OPRM1: variants seen among roughly 807,000 people sequenced by gnomAD.
OPRM1 encodes mu-type opioid receptor.
OPRM1 carries 27 observed loss-of-function variants against 31.8 expected under a neutral mutation model. The observed-to-expected ratio is 0.85, with a 90% CI of 0.63 to 1.17. The LOEUF (loss-of-function observed/expected upper bound fraction) is 1.17, where lower values mean the gene tolerates loss of function less well. Among genes scored for constraint, OPRM1 ranks in the 50% most tolerant of loss-of-function variants. The probability of loss-of-function intolerance (pLI) is 0.00; values close to 1 mark genes in which losing one functional copy is unlikely to be tolerated. For missense variants in OPRM1, 536 were observed against 511.1 expected, an observed-to-expected ratio of 1.05 and a Z score of -0.47; for synonymous variants, 196 against 189.9, an observed-to-expected ratio of 1.03 and a Z score of -0.26.
rs576071082 is a variant in OPRM1, at chr6:154,169,889, T to C, written c.1165-76804T>C. On this transcript the variant is annotated intron_variant, in intron 3 of 3. Transcript: ENST00000337049. Reference sequence around the variant, plus strand: ...TTTGGAGTATCAGATAAGTAATCTCTCTTTTTTCTTAAGCTGAATGTTGTG... The same window carrying C: ...TTTGGAGTATCAGATAAGTAATCTCCCTTTTTTCTTAAGCTGAATGTTGTG... 3.9e-5 allele frequency among the ~76,000 whole-genome samples: 6 copies of C among 152,322 alleles called. No homozygotes were observed. In the East Asian group the frequency reaches 1.2e-3, roughly 29 times the overall value.
intron 3 of OPRM1, among the ~76,000 whole-genome samples, chr6:154,193,869 A>G (rs1345243429): frequency 6.6e-6 from 1 of 152,254 alleles, no homozygotes; most frequent in African/African-American, 2.4e-5. Flanking sequence ...TCCATACTCT[A>G]TACAGACAAA....
Position 154,091,069 on chromosome 6 carries a change from A to G in OPRM1, c.761A>G (p.Tyr254Cys), listed in dbSNP as rs758020420. Residue 254 changes from tyrosine to cysteine, a missense_variant, in exon 3 of 4, where the codon TAT (tyrosine) becomes TGT (cysteine). By Grantham distance (194) the Tyr-to-Cys change is radical. Coordinates refer to ENST00000330432, the MANE Select transcript of OPRM1 (RefSeq NM_000914.5). ...IMPVLIITVC[Y>C]GLMILRLKSV... ...CCAGTGCTCATCATTACCGTGTGCT[A>G]TGGACTGATGATCTTGCGCCTCAAG... 5 of 1,614,138 alleles carry G rather than the reference A, an allele frequency of 3.1e-6. No individual in the cohort carries two copies. The highest frequency in any genetic ancestry group is 4.2e-6 in the Non-Finnish European group (5 of 1,180,018).
Position 154,058,922 on chromosome 6 carries a change from T to A in OPRM1, c.290+19088T>A, listed in dbSNP as rs551376319. ...GAAAATTTGTGTAATAAGCCCAAAT[T>A]TGTCCAACTAGTAAATGATGGAAGT... On this transcript the variant is annotated intron_variant, in intron 1 of 3. Coordinates refer to ENST00000330432, the MANE Select transcript of OPRM1 (RefSeq NM_000914.5). 2.6e-5 allele frequency among the ~76,000 whole-genome samples: 4 copies of A among 152,300 alleles called. No homozygotes were observed. The South Asian group carries it at 6.2e-4, about 24-fold the overall frequency.
downstream of OPRM1, among the ~76,000 whole-genome samples, chr6:154,132,674 T>C (rs672305): frequency 4.1e-3 from 622 of 152,252 alleles, 2 homozygotes; most frequent in Middle Eastern, 6.8e-3. Context: ...CCACTGATAG[T>C]CTACTTTTTT....
chr6:154,085,844 G>A (rs1790400626), intron 1 of OPRM1, among the ~76,000 whole-genome samples: 1 of 150,124 alleles, frequency 6.7e-6, no homozygotes. Flanking sequence ...ACTTTGCTGG[G>A]ACAACATTCA....
At chr6:154,026,890 T>C (rs970481572) in intron 1 of OPRM1, among the ~76,000 whole-genome samples, 3 of 152,196 alleles carry the variant, frequency 2.0e-5, no homozygotes, top group Non-Finnish European at 2.9e-5. Context: ...TTCTCCAACA[T>C]AGCTATTTTA....
intron 3 of OPRM1, among the ~76,000 whole-genome samples, chr6:154,207,298 G>A (rs937959549): frequency 1.3e-5 from 2 of 152,184 alleles, no homozygotes; most frequent in African/African-American, 4.8e-5. Flanking sequence ...AAATCAGTTA[G>A]ATATTCAACC....
chr6:154,036,753 A>G (rs1259157696), upstream of OPRM1, among the ~76,000 whole-genome samples: 1 of 151,890 alleles, frequency 6.6e-6, no homozygotes, highest in African/African-American at 2.4e-5. Flanking sequence ...TATATTATTT[A>G]TCACCCAGAT....
intron 3 of OPRM1, among the ~76,000 whole-genome samples, chr6:154,216,339 G>A (rs790256): frequency 1.3e-5 from 2 of 151,864 alleles, no homozygotes; most frequent in East Asian, 3.9e-4. Context: ...ACCTGGAAAA[G>A]ATATGAACAA....
At chr6:154,185,734 C>T (rs187103600) in intron 3 of OPRM1, among the ~76,000 whole-genome samples, 1 of 152,226 alleles carries the variant, frequency 6.6e-6, no homozygotes, top group African/African-American at 2.4e-5. Context: ...CTGTCTTGGG[C>T]TACACATAAA....
chr6:154,085,324 G>T lies in OPRM1; in HGVS notation c.291-4502G>T, dbSNP rs572270399. Reference sequence around the variant, plus strand: ...CAATGCCTTTTCCCCAACACTTCTGGAAGTTCCATAAAAATCACTCTAATG... The same window carrying T: ...CAATGCCTTTTCCCCAACACTTCTGTAAGTTCCATAAAAATCACTCTAATG... On this transcript the variant is annotated intron_variant, in intron 1 of 3. Coordinates refer to ENST00000330432, the MANE Select transcript of OPRM1 (RefSeq NM_000914.5). Among the ~76,000 whole-genome samples, 12 of 152,288 alleles carry T rather than the reference G, an allele frequency of 7.9e-5. No individual in the cohort carries two copies. The East Asian group carries it at 2.1e-3, about 27-fold the overall frequency.
chr6:154,039,158 T>C (rs939089303), upstream of OPRM1: 12 of 1,551,232 alleles, frequency 7.7e-6, no homozygotes, highest in Non-Finnish European at 1.0e-5. Context: ...CTCCCTCCTT[T>C]AGATGTGTTT....
At chr6:154,209,893 A>G (rs1044710528) in intron 3 of OPRM1, among the ~76,000 whole-genome samples, 8 of 152,212 alleles carry the variant, frequency 5.3e-5, no homozygotes, top group Admixed American at 5.2e-4. Flanking sequence ...TGTTAGCATT[A>G]ATGGCCTGCC....
intron 3 of OPRM1, among the ~76,000 whole-genome samples, chr6:154,103,359 A>G (rs1795144291): frequency 6.6e-6 from 1 of 152,222 alleles, no homozygotes; most frequent in Non-Finnish European, 1.5e-5. Flanking sequence ...GAAAGAAAGC[A>G]AGTAACCTCT....
intron 3 of OPRM1, among the ~76,000 whole-genome samples, chr6:154,216,002 C>T (rs1369910110): frequency 1.3e-5 from 2 of 152,130 alleles, no homozygotes; most frequent in African/African-American, 4.8e-5. Flanking sequence ...GAAAAAGAAG[C>T]ATTGTCACCT....
rs1163381868 is a variant in OPRM1, at chr6:154,118,805, G to C, written c.*84G>C. On this transcript the variant is annotated 3_prime_UTR_variant, in exon 4 of 4. Coordinates refer to ENST00000330432, the MANE Select transcript of OPRM1 (RefSeq NM_000914.5). Reference sequence around the variant, plus strand: ...CAGGTTGCTTCAAGAATGTGTAGGAGGCTCTAATTCTCTAGGAAAGTGCCT... The same window carrying C: ...CAGGTTGCTTCAAGAATGTGTAGGACGCTCTAATTCTCTAGGAAAGTGCCT... The C allele has an allele frequency of 6.3e-7, 1 of 1,587,692 alleles. No homozygotes were observed. The highest frequency in any genetic ancestry group is 8.5e-7 in the Non-Finnish European group (1 of 1,170,728).
At chr6:154,185,779 G>A (rs1801286315) in intron 3 of OPRM1, among the ~76,000 whole-genome samples, 1 of 152,008 alleles carries the variant, frequency 6.6e-6, no homozygotes, top group African/African-American at 2.4e-5. Context: ...AAGCTAAAAA[G>A]AAAAAAATCA....
intron 1 of OPRM1, among the ~76,000 whole-genome samples, chr6:154,052,119 T>A (rs1782326006): frequency 6.6e-6 from 1 of 151,538 alleles, no homozygotes; most frequent in Admixed American, 6.6e-5. Flanking sequence ...TAAGTGGGAG[T>A]TGAACAATGA....
intron 1 of OPRM1, among the ~76,000 whole-genome samples, chr6:154,068,828 T>C (rs905871443): frequency 6.6e-6 from 1 of 152,206 alleles, no homozygotes; most frequent in Admixed American, 6.5e-5. Flanking sequence ...TCCACCAACA[T>C]TGTGTGAGGA....
Sources: allele counts gnomAD v4.1 joint callset (sites outside exome capture counted in the v4.1 genomes callset), GRCh38; gene constraint gnomAD v4.1.1; transcripts MANE v1.5; gene names NCBI Gene and HGNC (gene_info 2026-07-23, HGNC 2026-07-21).